Variants in RBFOX2 observed in about 807,000 individuals in gnomAD.
RBFOX2 encodes RNA binding fox-1 homolog 2, also known as RNA binding protein fox-1 homolog 2.
Under a neutral mutation model 49.1 loss-of-function variants are expected in RBFOX2, and 10 were observed. The ratio of observed to expected loss-of-function variants is 0.20; its 90% CI spans 0.13 to 0.35. RBFOX2 has a LOEUF of 0.35. Ranked by LOEUF, RBFOX2 falls within the 10% of genes least tolerant of loss-of-function variation. The probability of loss-of-function intolerance (pLI) is 1.00; values close to 1 mark genes in which losing one functional copy is unlikely to be tolerated. For missense variants in RBFOX2, 323 were observed against 486.9 expected (o/e 0.66, Z 3.17); for synonymous variants, 183 against 187.4 (o/e 0.98, Z 0.19).
At chr22:35,754,024 C>A (rs1032529890) in intron 9 of RBFOX2, among the ~76,000 whole-genome samples, 12 of 150,908 alleles carry the variant, frequency 8.0e-5, no homozygotes, top group Non-Finnish European at 1.8e-4. Flanking sequence ...TTCAAGTGAT[C>A]CCCCTGCCTC....
At chr22:35,909,275 T>C (rs950976755) in intron 1 of RBFOX2, among the ~76,000 whole-genome samples, 12 of 152,096 alleles carry the variant, frequency 7.9e-5, no homozygotes, top group African/African-American at 2.7e-4. Context: ...CTAAGCCACA[T>C]AGCAAAACCC....
intron 1 of RBFOX2, among the ~76,000 whole-genome samples, chr22:35,971,764 C>CA (rs1457905374): frequency 2.0e-5 from 3 of 151,996 alleles, no homozygotes; most frequent in African/African-American, 7.2e-5. Context: ...TAGGTGCATA[C>CA]AATTGCAGAG....
chr22:35,987,105 A>C (rs1340875531), intron 1 of RBFOX2, among the ~76,000 whole-genome samples: 1 of 152,184 alleles, frequency 6.6e-6, no homozygotes. Flanking sequence ...AAATATTTGT[A>C]ATCATACAGC....
chr22:35,995,289 G>T (rs1414926856), intron 1 of RBFOX2: 1 of 152,100 alleles, frequency 6.6e-6, no homozygotes, highest in African/African-American at 2.4e-5. Context: ...CGAATAAGAA[G>T]GTTTGGAAGG....
rs1311526934 is a variant in RBFOX2, at chr22:35,759,373, G to T, written c.887+515C>A. Among the ~76,000 whole-genome samples the T allele has an allele frequency of 2.0e-5, 3 of 152,072 alleles. No homozygotes were observed. The highest frequency in any genetic ancestry group is 2.9e-5 in the Non-Finnish European group (2 of 68,012). ...TCTTAGAATTAACCTCTTTTAATCCGTTTCCTACAAAGAAAGCAAATCCAT... is the reference window on the plus strand; with the variant it reads ...TCTTAGAATTAACCTCTTTTAATCCTTTTCCTACAAAGAAAGCAAATCCAT... On this transcript the variant is annotated intron_variant, in intron 9 of 11. Transcript: ENST00000405409. This position sits in a 1 kb window ranked among gnomAD's most constrained non-coding sequence, Gnocchi z 4.6.
At chr22:35,929,964 C>T (rs1403711597) in intron 1 of RBFOX2, among the ~76,000 whole-genome samples, 1 of 150,226 alleles carries the variant, frequency 6.7e-6, no homozygotes, top group Non-Finnish European at 1.5e-5. Context: ...TATCACTGAA[C>T]AAGTCACTTA....
chr22:35,828,817 C>T (rs1047625320), intron 1 of RBFOX2, among the ~76,000 whole-genome samples: 78 of 152,002 alleles, frequency 5.1e-4, no homozygotes, highest in Non-Finnish European at 1.0e-3. Context: ...TTTGGGAGGC[C>T]GAGGCGGGCG....
chr22:35,916,198 G>A (rs1419808058), intron 1 of RBFOX2, among the ~76,000 whole-genome samples: 1 of 152,192 alleles, frequency 6.6e-6, no homozygotes, highest in East Asian at 1.9e-4. Flanking sequence ...CCAGCTCTGT[G>A]ACTTGCTCTT....
intron 1 of RBFOX2, among the ~76,000 whole-genome samples, chr22:35,863,976 C>T (rs535858590): frequency 6.6e-6 from 1 of 152,150 alleles, no homozygotes; most frequent in Non-Finnish European, 1.5e-5. Flanking sequence ...CCCATTTATA[C>T]AATTAGATCC....
At chr22:35,950,000 C>A (rs1050069018) in intron 1 of RBFOX2, among the ~76,000 whole-genome samples, 8 of 151,904 alleles carry the variant, frequency 5.3e-5, no homozygotes, top group African/African-American at 1.9e-4. Flanking sequence ...TCCAAGGTCA[C>A]GAGGATTTAC....
chr22:35,953,671 C>T (rs925781959), intron 1 of RBFOX2, among the ~76,000 whole-genome samples: 11 of 151,974 alleles, frequency 7.2e-5, no homozygotes, highest in African/African-American at 2.7e-4. Flanking sequence ...TGAATTTAAC[C>T]TCCATTAACA....
At chr22:35,999,548 T>C (rs1399323347) in intron 1 of RBFOX2, 1 of 152,048 alleles carries the variant, frequency 6.6e-6, no homozygotes, top group Non-Finnish European at 1.5e-5. Flanking sequence ...AGAGCAAGAC[T>C]CTGTCTCTAA....
At chr22:35,836,895 T>C (rs2051008190) in intron 1 of RBFOX2, among the ~76,000 whole-genome samples, 3 of 152,254 alleles carry the variant, frequency 2.0e-5, no homozygotes, top group African/African-American at 7.2e-5. Flanking sequence ...ATGATTTATC[T>C]TTCCTTCATA....
intron 1 of RBFOX2, among the ~76,000 whole-genome samples, chr22:36,007,392 T>C (rs1294166063): frequency 6.6e-6 from 1 of 152,134 alleles, no homozygotes; most frequent in Non-Finnish European, 1.5e-5. Flanking sequence ...TACTATTTTT[T>C]ATTTGTGGTA....
At chr22:35,818,345 T>C (rs890366605) in intron 1 of RBFOX2, among the ~76,000 whole-genome samples, 12 of 152,264 alleles carry the variant, frequency 7.9e-5, no homozygotes, top group African/African-American at 2.9e-4. Context: ...CTATTCAATG[T>C]AAATATTCTA....
At chr22:35,845,967 G>A (rs1271652411) in intron 1 of RBFOX2, among the ~76,000 whole-genome samples, 1 of 151,032 alleles carries the variant, frequency 6.6e-6, no homozygotes, top group Non-Finnish European at 1.5e-5. Context: ...AATTCAGAAT[G>A]AGAAAATAAA....
rs375093970 is a variant in RBFOX2, at chr22:35,824,017, C to T, written c.28-14013G>A. Among the ~76,000 whole-genome samples the T allele has an allele frequency of 5.9e-5, 9 of 152,058 alleles. 1 individual carries two copies. The South Asian group carries it at 6.2e-4, about 11-fold the overall frequency. On this transcript the variant is annotated intron_variant, in intron 1 of 11. Transcript: ENST00000405409. The stretch of plus-strand genomic sequence containing the variant: ...ACAAAAAATTAGCCAGGTGTGGTGG[C>T]GCACACCTGTAATCCCAGCTACTCG...
In RBFOX2 at chr22:35,875,322, A is replaced by G. The variant is rs186466893; in HGVS notation, c.-34+63525T>C. On this transcript the variant is annotated intron_variant, in intron 1 of 13. Transcript: ENST00000359369. Reference sequence around the variant, plus strand: ...TTTATTAAATAGTTAAACCTAAAATATATTACTTTTGTTTAATGGTGATTT... The same window carrying G: ...TTTATTAAATAGTTAAACCTAAAATGTATTACTTTTGTTTAATGGTGATTT... Among the ~76,000 whole-genome samples the G allele has an allele frequency of 4.3e-4, 66 of 152,282 alleles. No individual in the cohort carries two copies. In the East Asian group the frequency reaches 6.2e-3, roughly 14 times the overall value.
chr22:35,750,897 C>A (rs2145944571), intron 9 of RBFOX2, among the ~76,000 whole-genome samples: 1 of 152,288 alleles, frequency 6.6e-6, no homozygotes, highest in Admixed American at 6.5e-5. Flanking sequence ...AAGGAAAATG[C>A]CTTTGAAAAG....
Sources: gnomAD v4.1 joint callset for allele counts (sites outside exome capture counted in the v4.1 genomes callset) on GRCh38, gnomAD v4.1.1 for gene constraint, Gnocchi (gnomAD v3.1) non-coding constraint, MANE v1.5 for transcripts, NCBI Gene and HGNC (gene_info 2026-07-23, HGNC 2026-07-21) for gene names.